Variants in CNTNAP2 observed in about 807,000 individuals in gnomAD.
The protein encoded by CNTNAP2 is contactin associated protein 2.
A neutral mutation model predicts 155.2 loss-of-function variants in CNTNAP2; 98 were observed. That is an observed-to-expected ratio of 0.63 (90% confidence interval 0.54 to 0.75). The LOEUF is 0.75. CNTNAP2 is among the 30% of genes least tolerant of loss of function. The pLI is 0.00. For synonymous variants in CNTNAP2, 651 were observed against 631.2 expected, an observed-to-expected ratio of 1.03 and a Z score of -0.47; for missense variants, 1,727 against 1,688.1, an observed-to-expected ratio of 1.02 and a Z score of -0.40.
chr7:148,210,702 A>G (rs1298715840), intron 18 of CNTNAP2, among the ~76,000 whole-genome samples: 1 of 152,202 alleles, frequency 6.6e-6, no homozygotes, highest in Non-Finnish European at 1.5e-5. Context: ...CTTTGGAGAG[A>G]ATGGCAGGAA....
intron 17 of CNTNAP2, among the ~76,000 whole-genome samples, chr7:148,160,179 G>A (rs1290282727): frequency 6.6e-6 from 1 of 152,138 alleles, no homozygotes; most frequent in Non-Finnish European, 1.5e-5. Flanking sequence ...GGTCTAGGCT[G>A]CAGTGAGCCG....
intron 2 of CNTNAP2, among the ~76,000 whole-genome samples, chr7:146,778,314 G>T (rs556430587): frequency 2.6e-5 from 4 of 152,278 alleles, no homozygotes; most frequent in African/African-American, 7.2e-5. Flanking sequence ...TTATGAAATT[G>T]AATTTAGTTT....
chr7:147,175,282 T>G (rs1406451478), intron 8 of CNTNAP2, among the ~76,000 whole-genome samples: 2 of 151,840 alleles, frequency 1.3e-5, no homozygotes, highest in African/African-American at 4.8e-5. Flanking sequence ...AACTCCTATA[T>G]TCCCTCCTAT....
At chr7:147,149,845 A>G (rs546705024) in intron 8 of CNTNAP2, among the ~76,000 whole-genome samples, 115 of 152,354 alleles carry the variant, frequency 7.5e-4, no homozygotes, top group African/African-American at 2.7e-3. Flanking sequence ...AGTTTTATCT[A>G]TGATGATAGC....
intron 15 of CNTNAP2, among the ~76,000 whole-genome samples, chr7:148,012,017 A>C (rs991447825): frequency 6.6e-6 from 1 of 152,320 alleles, no homozygotes; most frequent in Admixed American, 6.5e-5. Flanking sequence ...AAGATAAAGG[A>C]ATGTCCCCAG....
rs770087778 is a variant in CNTNAP2 at position 146,264,320 on chromosome 7, C to G, written c.97+147347C>G. Among the ~76,000 whole-genome samples, 5 of 151,896 alleles carry G rather than the reference C, an allele frequency of 3.3e-5. No individual in the cohort carries two copies. The East Asian group carries it at 7.7e-4, about 23-fold the overall frequency. ...ACTAAAAATTAGCTGGGCGTGGTGG[C>G]GGGCGCCTGTAATCCCAGCTCCTCA... On this transcript the variant is annotated intron_variant, in intron 1 of 23. Coordinates refer to ENST00000361727, the MANE Select transcript of CNTNAP2 (RefSeq NM_014141.6).
At chr7:146,387,497 C>G (rs1795477730) in intron 1 of CNTNAP2, among the ~76,000 whole-genome samples, 1 of 152,122 alleles carries the variant, frequency 6.6e-6, no homozygotes, top group African/African-American at 2.4e-5. Context: ...GCCAGTCTTC[C>G]TAGTACTTTC....
At chr7:147,896,418 G>A (rs1312553348) in intron 13 of CNTNAP2, among the ~76,000 whole-genome samples, 3 of 152,146 alleles carry the variant, frequency 2.0e-5, no homozygotes, top group Non-Finnish European at 4.4e-5. Context: ...AGTAACTCAC[G>A]CAGAGCCAGC....
chr7:147,406,639 C>T (rs1193822190), intron 10 of CNTNAP2, among the ~76,000 whole-genome samples: 1 of 152,130 alleles, frequency 6.6e-6, no homozygotes, highest in African/African-American at 2.4e-5. Flanking sequence ...CCTATGAATT[C>T]ATTGAGGAAT....
chr7:147,523,123 G>T (rs1041324114), intron 11 of CNTNAP2, among the ~76,000 whole-genome samples: 3 of 152,176 alleles, frequency 2.0e-5, no homozygotes, highest in African/African-American at 7.2e-5. Context: ...GTCAGTGAGG[G>T]CCGCACTGAT....
Position 147,125,895 on chromosome 7 carries a change from T to G in CNTNAP2, c.940-2798T>G, listed in dbSNP as rs149105877. Among the ~76,000 whole-genome samples, 1,095 of 152,316 alleles carry G rather than the reference T, an allele frequency of 7.2e-3. 16 individuals carry two copies. Among genetic ancestry groups the G allele is most frequent in the African/African-American group, 0.024 (1,015 of 41,572 alleles). ...TATTCTCCTTTATGTAAAAGAAGAC[T>G]GGAGGCAAATGGCTGCTCCACGATC... On this transcript the variant is annotated intron_variant, in intron 6 of 23. Coordinates refer to ENST00000361727, the MANE Select transcript of CNTNAP2 (RefSeq NM_014141.6).
chr7:146,187,627 T>A (rs947059654), intron 1 of CNTNAP2, among the ~76,000 whole-genome samples: 2 of 152,114 alleles, frequency 1.3e-5, no homozygotes, highest in African/African-American at 2.4e-5. Flanking sequence ...CCCTTTTTCT[T>A]ACCTTCTCCC....
At chr7:146,401,950 A>T (rs1166541663) in intron 1 of CNTNAP2, among the ~76,000 whole-genome samples, 1 of 152,206 alleles carries the variant, frequency 6.6e-6, no homozygotes, top group Non-Finnish European at 1.5e-5. Flanking sequence ...TATATTTCTC[A>T]TATTTATAGC....
chr7:146,524,263 C>T (rs1255670853), intron 1 of CNTNAP2, among the ~76,000 whole-genome samples: 1 of 152,118 alleles, frequency 6.6e-6, no homozygotes, highest in Non-Finnish European at 1.5e-5. Flanking sequence ...AAAATATCTG[C>T]TCTTTATCTT....
At chr7:147,804,546 GT>G (rs112502971) in intron 13 of CNTNAP2, among the ~76,000 whole-genome samples, 29 of 141,804 alleles carry the variant, frequency 2.0e-4, no homozygotes, top group African/African-American at 7.6e-4. Context: ...TTCAGTTTTT[GT>G]TTTTTTGTTT....
At chr7:147,568,229 GA>G (rs1350237806) in intron 12 of CNTNAP2, among the ~76,000 whole-genome samples, 10 of 150,904 alleles carry the variant, frequency 6.6e-5, no homozygotes, top group Non-Finnish European at 1.0e-4. Flanking sequence ...CATGAGACAT[GA>G]AAAAAATCAC....
chr7:146,286,418 C>T (rs1800338173), intron 1 of CNTNAP2, among the ~76,000 whole-genome samples: 1 of 152,054 alleles, frequency 6.6e-6, no homozygotes, highest in African/African-American at 2.4e-5. Context: ...GGGTACATGC[C>T]ACTTAGTCAC....
At chr7:146,748,148 T>TTTTTTC in intron 1 of CNTNAP2, among the ~76,000 whole-genome samples, 1 of 112,002 alleles carries the variant, frequency 8.9e-6, no homozygotes, top group South Asian at 4.6e-4. Context: ...CTTTTCTTTT[T>TTTTTTC]TTTTTTTTTT....
chr7:148,196,902 G>C (rs1795287126), intron 18 of CNTNAP2, among the ~76,000 whole-genome samples: 1 of 152,154 alleles, frequency 6.6e-6, no homozygotes, highest in African/African-American at 2.4e-5. Flanking sequence ...CCAGGGTCCA[G>C]GCTCAAGGGA....
Sources: gnomAD v4.1 joint callset for allele counts (sites outside exome capture counted in the v4.1 genomes callset) on GRCh38, gnomAD v4.1.1 for gene constraint, MANE v1.5 for transcripts, NCBI Gene and HGNC (gene_info 2026-07-23, HGNC 2026-07-21) for gene names.